The following TNNT3 variants were observed in gnomAD, a reference collection of about 807,000 sequenced individuals.
TNNT3 encodes troponin T3, fast skeletal type, also known as troponin T, fast skeletal muscle.
In TNNT3, 36 loss-of-function variants were observed where a neutral mutation model predicts 54.2. The ratio of observed to expected loss-of-function variants is 0.66; its 90% CI spans 0.51 to 0.88. The LOEUF (loss-of-function observed/expected upper bound fraction) is 0.88, where lower values mean the gene tolerates loss of function less well. Among genes scored for constraint, TNNT3 ranks in the 40% least tolerant of loss-of-function variants. TNNT3 has a pLI of 0.00. For missense variants in TNNT3, 291 were observed against 331.6 expected, an observed-to-expected ratio of 0.88 and a Z score of 0.95; for synonymous variants, 120 against 109.7, an observed-to-expected ratio of 1.09 and a Z score of -0.59.
chr11:1,937,036 G>A (rs766415112), intron 15 of TNNT3, 33 bp downstream of exon 15: 4 of 1,570,340 alleles, frequency 2.5e-6, no homozygotes, highest in Non-Finnish European at 3.4e-6. Context: ...CTCCGCACTG[G>A]GCACAGGGGC....
intron 5 of TNNT3, 187 bp downstream of exon 5, chr11:1,925,303 C>G: frequency 6.3e-7 from 1 of 1,583,222 alleles, no homozygotes; most frequent in Non-Finnish European, 8.6e-7. Context: ...CTTCTTGTCC[C>G]CATGTGGGGC....
At chr11:1,933,689 G>T in intron 9 of TNNT3, 32 bp from the exon 10 acceptor site, 1 of 1,552,182 alleles carries the variant, frequency 6.4e-7, no homozygotes, top group East Asian at 2.2e-5. Context: ...GGAGAGAGGG[G>T]TGGGGCTCAC....
intron 14 of TNNT3, chr11:1,936,337 G>A (rs1232399680): frequency 6.8e-7 from 1 of 1,470,354 alleles, no homozygotes; most frequent in African/African-American, 1.4e-5. Context: ...CAAAAACCTG[G>A]ATCGCTCAGG....
At chr11:1,919,913 C>G (rs2133194717) in intron 1 of TNNT3, among the ~76,000 whole-genome samples, 151 bp downstream of exon 1, 1 of 152,338 alleles carries the variant, frequency 6.6e-6, no homozygotes, top group South Asian at 2.1e-4. Context: ...AGCATCATGG[C>G]TCGGAGCCCC....
intron 6 of TNNT3, among the ~76,000 whole-genome samples, chr11:1,928,685 G>T (rs1165723671): frequency 2.6e-5 from 4 of 152,144 alleles, no homozygotes; most frequent in African/African-American, 9.7e-5. Flanking sequence ...TACAGGCAGG[G>T]GTCAGGCTCC....
intron 14 of TNNT3, among the ~76,000 whole-genome samples, chr11:1,935,819 C>T (rs941877359): frequency 3.3e-5 from 5 of 151,960 alleles, no homozygotes; most frequent in East Asian, 1.9e-4. Context: ...CCAAGCCAGC[C>T]GGGCAAATCC....
At chr11:1,929,594 C>A (rs1287940745) in intron 7 of TNNT3, among the ~76,000 whole-genome samples, 2 of 152,270 alleles carry the variant, frequency 1.3e-5, no homozygotes, top group Non-Finnish European at 2.9e-5. Context: ...AGGCCCTGAG[C>A]TCTTCCCCTC....
chr11:1,922,744 C>T (rs1850377950), intron 1 of TNNT3, 113 bp from the exon 2 acceptor site: 16 of 1,051,526 alleles, frequency 1.5e-5, no homozygotes, highest in Non-Finnish European at 2.3e-5. Context: ...CAAACCCTGC[C>T]CGCGGTCCCC....
chr11:1,928,196 G>A (rs1414037505), intron 6 of TNNT3, among the ~76,000 whole-genome samples: 1 of 152,236 alleles, frequency 6.6e-6, no homozygotes, highest in East Asian at 1.9e-4. Context: ...TGTGTCAACG[G>A]CCTTGCTGCC....
rs573105542 is a variant in TNNT3 at position 1,937,272 on chromosome 11, G to A, written c.722+269G>A. On this transcript the variant is annotated intron_variant, in intron 15 of 15. Coordinates refer to ENST00000278317, the MANE Select transcript of TNNT3 (RefSeq NM_006757.4). ...GGCTTGCCTGTCACGCCCTCGCCCCGAGTCTGGCACTGGCTGCAGGGAGAG... is the reference window on the plus strand; with the variant it reads ...GGCTTGCCTGTCACGCCCTCGCCCCAAGTCTGGCACTGGCTGCAGGGAGAG... Among the ~76,000 whole-genome samples, 8 of 152,218 alleles carry A rather than the reference G, an allele frequency of 5.3e-5. No homozygotes were observed. In the South Asian group the frequency reaches 6.2e-4, roughly 12 times the overall value.
chr11:1,920,707 C>T (rs751532693), intron 1 of TNNT3, among the ~76,000 whole-genome samples: 6 of 152,194 alleles, frequency 3.9e-5, no homozygotes, highest in South Asian at 2.1e-4. Context: ...CATACGTGCC[C>T]GAAGAAACTG....
chr11:1,926,747 C>T (rs373139868), intron 6 of TNNT3, 38 bp downstream of exon 6: 78 of 1,612,596 alleles, frequency 4.8e-5, no homozygotes, highest in East Asian at 3.8e-4. Flanking sequence ...CCAGAGTCTC[C>T]GTCCTCCCTT....
chr11:1,922,495 G>A (rs911151730), intron 1 of TNNT3, among the ~76,000 whole-genome samples: 2 of 152,146 alleles, frequency 1.3e-5, no homozygotes, highest in African/African-American at 2.4e-5. Context: ...GACGGCACAC[G>A]GCCTGCATTC....
At chr11:1,936,021 C>G (rs1160818128) in intron 14 of TNNT3, among the ~76,000 whole-genome samples, 1 of 152,196 alleles carries the variant, frequency 6.6e-6, no homozygotes, top group African/African-American at 2.4e-5. Context: ...CTTCACGGCA[C>G]AGGACCCAGG....
At chr11:1,928,934 C>A in intron 6 of TNNT3, 186 bp from the exon 7 acceptor site, 1 of 716,668 alleles carries the variant, frequency 1.4e-6, no homozygotes, top group East Asian at 2.6e-5. Context: ...ACCCCCTCCC[C>A]AGGCATTGAT....
At position 1,923,562 on chromosome 11, in the gene TNNT3, C is replaced by T. The variant is rs376786651; in HGVS notation, c.39C>T (p.Tyr13=). 37 of 1,613,946 alleles carry T rather than the reference C, an allele frequency of 2.3e-5. No individual in the cohort carries two copies. In the Admixed American group the frequency reaches 4.3e-4, roughly 19 times the overall value. The change falls in exon 4 of 16, where the codon TAC becomes TAT. Residue 13 remains tyrosine, a synonymous_variant. Transcript: ENST00000278317. ...DEEVEQVEEQ[Y]EEEEEAQEEE... Reference sequence around the variant, plus strand: ...TGTTCTGTCCCAATGCAGAGCAGTACGAAGAAGAAGGTAATTCTGGCAACC... The same window carrying T: ...TGTTCTGTCCCAATGCAGAGCAGTATGAAGAAGAAGGTAATTCTGGCAACC...
At chr11:1,934,098 G>T in intron 11 of TNNT3, 90 bp downstream of exon 11, 2 of 1,402,566 alleles carry the variant, frequency 1.4e-6, no homozygotes, top group Non-Finnish European at 2.0e-6. Flanking sequence ...TTCTCCCGGG[G>T]TTCCCATTGT....
At chr11:1,931,694 C>CT (rs370398561) in intron 8 of TNNT3, among the ~76,000 whole-genome samples, 2,091 of 112,270 alleles carry the variant, frequency 0.019, 51 homozygotes, top group African/African-American at 0.059. Flanking sequence ...TTTTTTTAGT[C>CT]TTTTTTTTTT....
intron 13 of TNNT3, 41 bp downstream of exon 13, chr11:1,934,696 C>A (rs370813756): frequency 4.7e-5 from 75 of 1,606,778 alleles, no homozygotes; most frequent in Non-Finnish European, 6.2e-5. Context: ...CACGGGGTGG[C>A]CCCTGCAGGA....
Sources: gnomAD v4.1 joint callset for allele counts (sites outside exome capture counted in the v4.1 genomes callset) on GRCh38, gnomAD v4.1.1 for gene constraint, MANE v1.5 for transcripts, NCBI Gene and HGNC (gene_info 2026-07-23, HGNC 2026-07-21) for gene names.